The following PDE7B variants were observed in gnomAD, a reference collection of about 807,000 sequenced individuals.
PDE7B encodes 3',5'-cyclic-AMP phosphodiesterase 7B.
In PDE7B, 29 loss-of-function variants were observed where a neutral mutation model predicts 56.2. The observed-to-expected ratio is 0.52, with a 90% confidence interval of 0.38 to 0.70. The LOEUF is 0.70. Among genes scored for constraint, PDE7B ranks in the 30% least tolerant of loss-of-function variants. PDE7B has a pLI of 0.00. For missense variants in PDE7B, 490 were observed against 565.0 expected (o/e 0.87, Z 1.35); for synonymous variants, 197 against 196.9 (o/e 1.00, Z 0.00).
intron 2 of PDE7B, among the ~76,000 whole-genome samples, chr6:136,081,394 T>C (rs1447901188): frequency 6.6e-6 from 1 of 152,180 alleles, no homozygotes; most frequent in African/African-American, 2.4e-5. Context: ...AGAGGGAGAC[T>C]ACAGTGGCTT....
At chr6:136,062,433 T>C (rs1776860656) in intron 2 of PDE7B, among the ~76,000 whole-genome samples, 2 of 152,186 alleles carry the variant, frequency 1.3e-5, no homozygotes, top group Non-Finnish European at 2.9e-5. Context: ...GAATACATTT[T>C]TTAAATTTAT....
At chr6:135,955,402 G>T (rs972552625) in intron 2 of PDE7B, among the ~76,000 whole-genome samples, 1 of 152,128 alleles carries the variant, frequency 6.6e-6, no homozygotes, top group African/African-American at 2.4e-5. Flanking sequence ...AGCCCATTGG[G>T]AAAGGTGTTG....
chr6:136,015,845 A>G (rs1775968971), intron 2 of PDE7B, among the ~76,000 whole-genome samples: 1 of 152,210 alleles, frequency 6.6e-6, no homozygotes, highest in Non-Finnish European at 1.5e-5. Flanking sequence ...GGCAGCAAAA[A>G]CAAGCCTCAG....
At chr6:135,857,973 T>G (rs1404866334) in intron 1 of PDE7B, among the ~76,000 whole-genome samples, 1 of 152,166 alleles carries the variant, frequency 6.6e-6, no homozygotes, top group East Asian at 1.9e-4. Flanking sequence ...TTACTTTTCT[T>G]GTATATACTT....
rs542034515 is a variant in PDE7B, at chr6:135,960,731, G to A, written c.82+13207G>A. Reference sequence around the variant, plus strand: ...GAAAACAGATAGTTTCCCTCGTACCGCCTCCTAGACATTACCTCCCAAAGA... The same window carrying A: ...GAAAACAGATAGTTTCCCTCGTACCACCTCCTAGACATTACCTCCCAAAGA... On this transcript the variant is annotated intron_variant, in intron 2 of 12. Transcript: ENST00000308191. Among the ~76,000 whole-genome samples the A allele has an allele frequency of 1.1e-4, 16 of 152,140 alleles. No individual in the cohort carries two copies. In the South Asian group the frequency reaches 1.9e-3, roughly 18 times the overall value.
chr6:136,107,087 C>T lies in PDE7B; in HGVS notation c.83-1644C>T, dbSNP rs181963130. ...CAGAGAACAGCCCAAGAGCTCATGG[C>T]TTGCACTTTACAACCCCAAGTACAC... On this transcript the variant is annotated intron_variant, in intron 2 of 12. Transcript: ENST00000308191. Among the ~76,000 whole-genome samples the T allele has an allele frequency of 1.1e-3, 170 of 152,306 alleles. 1 individual carries two copies. Among genetic ancestry groups the T allele is most frequent in the Non-Finnish European group, 1.9e-3 (131 of 68,022 alleles).
intron 6 of PDE7B, among the ~76,000 whole-genome samples, chr6:136,151,865 G>A (rs1165006752): frequency 3.9e-5 from 6 of 151,968 alleles, no homozygotes; most frequent in East Asian, 1.9e-4. Context: ...ACTTGAACCC[G>A]GGAGGTGGAG....
intron 3 of PDE7B, among the ~76,000 whole-genome samples, chr6:136,139,007 T>C (rs1427525173): frequency 6.6e-6 from 1 of 152,166 alleles, no homozygotes; most frequent in African/African-American, 2.4e-5. Flanking sequence ...TTAGGGTACA[T>C]GTGCACGATG....
At chr6:135,901,016 C>CA (rs1775990213) in intron 1 of PDE7B, among the ~76,000 whole-genome samples, 1 of 152,144 alleles carries the variant, frequency 6.6e-6, no homozygotes, top group South Asian at 2.1e-4. Context: ...TTTTGAATGC[C>CA]ACCTTGGACT....
At chr6:136,116,929 C>G (rs1182389076) in intron 3 of PDE7B, 1 of 152,150 alleles carries the variant, frequency 6.6e-6, no homozygotes, top group African/African-American at 2.4e-5. Context: ...AAATTAGTTT[C>G]CTTTAGTGAG....
chr6:136,150,865 G>A (rs1778499858), intron 5 of PDE7B, among the ~76,000 whole-genome samples: 1 of 151,992 alleles, frequency 6.6e-6, no homozygotes. Context: ...ATGTGTGTGT[G>A]TGTGTATGTG....
At chr6:135,874,345 C>A (rs1775449563) in intron 1 of PDE7B, among the ~76,000 whole-genome samples, 1 of 152,140 alleles carries the variant, frequency 6.6e-6, no homozygotes, top group Non-Finnish European at 1.5e-5. Flanking sequence ...TTCTTACTTT[C>A]TTTCTAATTT....
At chr6:136,107,445 C>A (rs1001908883) in intron 2 of PDE7B, among the ~76,000 whole-genome samples, 3 of 152,112 alleles carry the variant, frequency 2.0e-5, no homozygotes, top group Admixed American at 2.0e-4. Flanking sequence ...CTCTTGTCAA[C>A]AGAGAACATT....
intron 2 of PDE7B, among the ~76,000 whole-genome samples, chr6:135,981,413 T>G (rs1775294064): frequency 6.6e-6 from 1 of 151,794 alleles, no homozygotes; most frequent in African/African-American, 2.4e-5. Context: ...GTGCAGCACA[T>G]GTACCCTAAA....
chr6:135,973,060 A>G (rs1775120859), intron 2 of PDE7B, among the ~76,000 whole-genome samples: 1 of 152,176 alleles, frequency 6.6e-6, no homozygotes, highest in African/African-American at 2.4e-5. Context: ...GCAATGTTTT[A>G]CAGCAGATAT....
intron 1 of PDE7B, among the ~76,000 whole-genome samples, chr6:135,916,331 C>T (rs1773936551): frequency 6.6e-6 from 1 of 150,516 alleles, no homozygotes; most frequent in South Asian, 2.1e-4. Context: ...TGTATTTATT[C>T]CTTTGTGAAG....
intron 11 of PDE7B, among the ~76,000 whole-genome samples, chr6:136,181,754 G>T (rs536736091): frequency 7.3e-6 from 1 of 137,036 alleles, no homozygotes; most frequent in Admixed American, 6.7e-5. Flanking sequence ...CCTTCTCCTT[G>T]CTTTCTTAAA....
chr6:135,860,755 G>A (rs758592247), intron 1 of PDE7B, among the ~76,000 whole-genome samples: 7 of 151,830 alleles, frequency 4.6e-5, no homozygotes, highest in Non-Finnish European at 1.0e-4. Context: ...GGTATTATTT[G>A]CTTTCAAGTT....
At chr6:136,069,607 A>T (rs1251646720) in intron 2 of PDE7B, among the ~76,000 whole-genome samples, 1 of 152,250 alleles carries the variant, frequency 6.6e-6, no homozygotes, top group Admixed American at 6.5e-5. Flanking sequence ...TGAAATTAAT[A>T]TCTAGCCAAT....
Sources: allele counts gnomAD v4.1 joint callset (sites outside exome capture counted in the v4.1 genomes callset), GRCh38; gene constraint gnomAD v4.1.1; transcripts MANE v1.5; gene names NCBI Gene and HGNC (gene_info 2026-07-23, HGNC 2026-07-21).